RSPH10B2: variants seen among roughly 807,000 people sequenced by gnomAD.
RSPH10B2 encodes the protein radial spoke head 10 homolog B2.
In RSPH10B2, 9 loss-of-function variants were observed where a neutral mutation model predicts 49.0. The ratio of observed to expected loss-of-function variants is 0.18; its 90% CI spans 0.11 to 0.32. RSPH10B2 has a LOEUF of 0.32. Ranked by LOEUF, RSPH10B2 falls within the 10% of genes least tolerant of loss-of-function variation. RSPH10B2 has a pLI of 1.00. For synonymous variants in RSPH10B2, 35 were observed against 210.2 expected (o/e 0.17, Z 7.21); for missense variants, 95 against 589.9 (o/e 0.16, Z 8.69).
At chr7:6,791,320 C>T (rs1782316200) in intron 16 of RSPH10B2, among the ~76,000 whole-genome samples, 1 of 140,860 alleles carries the variant, frequency 7.1e-6, no homozygotes, top group Admixed American at 7.1e-5. Context: ...TAATTTTATA[C>T]AATAAATACT....
At chr7:6,758,871 A>T (rs1303854393) in intron 1 of RSPH10B2, among the ~76,000 whole-genome samples, 3 of 136,486 alleles carry the variant, frequency 2.2e-5, no homozygotes. Context: ...CAAAAAACAA[A>T]CAAAAAAACC....
At position 6,781,390 on chromosome 7, in the gene RSPH10B2, G is replaced by A. The variant is rs767292305; in HGVS notation, c.1672G>A (p.Glu558Lys). 42 of 1,295,578 alleles carry A rather than the reference G, an allele frequency of 3.2e-5. 9 individuals carry two copies. The highest frequency in any genetic ancestry group is 4.6e-4 in the Middle Eastern group (2 of 4,386). The allele number at this position is 1,295,578 out of a possible 1,614,324, so 80.3% of individuals were successfully genotyped here. Residue 558 changes from glutamate (E) to lysine (K), a missense_variant, in exon 13 of 19, where the codon GAG becomes AAG. By Grantham distance (56) the Glu-to-Lys change is moderately conservative (BLOSUM62 1). Coordinates refer to ENST00000297186, the Ensembl canonical transcript of RSPH10B2. Reference sequence around the variant, plus strand: ...TATGAGTTACATGAATAAGTGCTGGGAGATTTATCTCGCTTACTGCAGACC... The same window carrying A: ...TATGAGTTACATGAATAAGTGCTGGAAGATTTATCTCGCTTACTGCAGACC...
chr7:6,760,550 A>G (rs1781229449), intron 3 of RSPH10B2, among the ~76,000 whole-genome samples: 1 of 109,608 alleles, frequency 9.1e-6, no homozygotes, highest in African/African-American at 3.4e-5. Context: ...AGCTTGTCCT[A>G]CTTTTTTCTT....
At chr7:6,783,882 G>T (rs1209279333) in intron 13 of RSPH10B2, among the ~76,000 whole-genome samples, 1 of 140,868 alleles carries the variant, frequency 7.1e-6, no homozygotes, top group Non-Finnish European at 1.5e-5. Flanking sequence ...TGTCGCCCAG[G>T]CTGGAGTGCA....
At chr7:6,768,605 C>G in exon 7 of RSPH10B2, 1 of 323,742 alleles carries the variant, frequency 3.1e-6, no homozygotes, top group Non-Finnish European at 5.5e-6. Context: ...CTTTGGAACA[C>G]ACACATGGTT....
rs752425178 is a variant in RSPH10B2, at chr7:6,798,350, T to C, written c.2433-13T>C. On this transcript the variant is annotated splice_polypyrimidine_tract_variant and intron_variant, in intron 18 of 18. Coordinates refer to ENST00000297186, the Ensembl canonical transcript of RSPH10B2. ...GATAAAAAAAGCTACCACCTTCTCA[T>C]GTTTGCTTTTAGGCTGAACATCTTT... 6 of 1,249,326 alleles carry C rather than the reference T, an allele frequency of 4.8e-6. 2 individuals carry two copies. The South Asian group carries it at 1.2e-4, about 25-fold the overall frequency. The allele number at this position is 1,249,326 out of a possible 1,614,324, so 77.4% of individuals were successfully genotyped here.
intron 6 of RSPH10B2, among the ~76,000 whole-genome samples, chr7:6,767,269 C>T (rs1583504210): frequency 4.4e-4 from 2 of 4,578 alleles, no homozygotes; most frequent in East Asian, 3.1e-3. Context: ...GCCACCACAC[C>T]CAGCCTGTTT....
At chr7:6,756,278 A>G (rs1477644174), upstream of RSPH10B2, among the ~76,000 whole-genome samples, 1 of 134,644 alleles carries the variant, frequency 7.4e-6, no homozygotes, top group Non-Finnish European at 1.5e-5. Flanking sequence ...TCAAAAATAA[A>G]TAAATAAATA....
chr7:6,764,747 C>G (rs1781403584), intron 4 of RSPH10B2, among the ~76,000 whole-genome samples: 1 of 150,200 alleles, frequency 6.7e-6, no homozygotes. Flanking sequence ...TGTTTTACAG[C>G]AGATTGCTTG....
intron 4 of RSPH10B2, among the ~76,000 whole-genome samples, chr7:6,764,592 C>T: frequency 6.6e-6 from 1 of 150,706 alleles, no homozygotes; most frequent in Non-Finnish European, 1.5e-5. Flanking sequence ...AACTCCTGAT[C>T]CCAAGTGATC....
At chr7:6,776,784 G>A (rs1480980398) in intron 10 of RSPH10B2, among the ~76,000 whole-genome samples, 2 of 74,464 alleles carry the variant, frequency 2.7e-5, no homozygotes, top group Non-Finnish European at 5.0e-5. Flanking sequence ...GGCTGAGGCA[G>A]GAGAATCGCT....
At chr7:6,758,955 A>G (rs574230338) in intron 1 of RSPH10B2, 129 bp from the exon 4 acceptor site, 1 of 441,470 alleles carries the variant, frequency 2.3e-6, no homozygotes, top group Non-Finnish European at 3.3e-6. Flanking sequence ...CTGTGTATAT[A>G]TATATATATA....
In RSPH10B2 at chr7:6,797,866, T is replaced by TACACACACACACACAC. The variant is rs753716997; in HGVS notation, c.2433-490_2433-475dup. 3.3e-4 allele frequency among the ~76,000 whole-genome samples: 22 copies of TACACACACACACACAC among 65,742 alleles called. 3 individuals are homozygous for TACACACACACACACAC. The highest frequency in any genetic ancestry group is 1.1e-3 in the African/African-American group (15 of 13,392). The allele number at this position is 65,742 out of a possible 152,430, so 43.1% of individuals were successfully genotyped here. On this transcript the variant is annotated intron_variant, in intron 18 of 18. Transcript: ENST00000297186. ...AGACCCTATCTCAAAAAAAAAAAAA[T>TACACACACACACACAC]ACACACACACACACACACACACGTA...
At chr7:6,782,570 G>A in intron 13 of RSPH10B2, among the ~76,000 whole-genome samples, 1 of 121,868 alleles carries the variant, frequency 8.2e-6, no homozygotes, top group African/African-American at 3.2e-5. Context: ...CTTTTTGATG[G>A]ACTGAAGTGT....
upstream of RSPH10B2, among the ~76,000 whole-genome samples, chr7:6,756,037 G>A (rs1379016924): frequency 6.6e-6 from 1 of 150,564 alleles, no homozygotes; most frequent in African/African-American, 2.5e-5. Context: ...TGGAGGCCAA[G>A]GCGGGCAGAT....
chr7:6,794,363 G>A (rs1459001087), intron 17 of RSPH10B2: 8 of 151,522 alleles, frequency 5.3e-5, no homozygotes, highest in Non-Finnish European at 8.8e-5. Context: ...CAGGAAAAGC[G>A]TCAGCTTCTT....
chr7:6,780,717 T>G, intron 11 of RSPH10B2, 92 bp from the exon 14 acceptor site: 5 of 1,240,822 alleles, frequency 4.0e-6, no homozygotes, highest in Non-Finnish European at 5.2e-6. Flanking sequence ...TAGAAGCAAA[T>G]TATTAAGTCT....
chr7:6,793,976 G>C (rs867111236), intron 17 of RSPH10B2, among the ~76,000 whole-genome samples: 1,979 of 141,698 alleles, frequency 0.014, no homozygotes, highest in Middle Eastern at 0.022. Flanking sequence ...TAGGCATCTT[G>C]GGGGGCTGTG....
intron 18 of RSPH10B2, among the ~76,000 whole-genome samples, chr7:6,797,868 C>T (rs9801361): frequency 1.2e-5 from 1 of 86,424 alleles, no homozygotes; most frequent in Non-Finnish European, 2.2e-5. Context: ...AAAAAAAATA[C>T]ACACACACAC....
Sources: allele counts gnomAD v4.1 joint callset (sites outside exome capture counted in the v4.1 genomes callset), GRCh38; gene constraint gnomAD v4.1.1; transcripts MANE v1.5; gene names NCBI Gene and HGNC (gene_info 2026-07-23, HGNC 2026-07-21).